The following PIK3C2A variants were observed in gnomAD, a reference collection of about 807,000 sequenced individuals.
PIK3C2A encodes phosphatidylinositol-4-phosphate 3-kinase catalytic subunit type 2 alpha, also known as phosphatidylinositol 4-phosphate 3-kinase C2 domain-containing subunit alpha.
A neutral mutation model predicts 204.5 loss-of-function variants in PIK3C2A; 97 were observed. That is an observed-to-expected ratio of 0.47 (90% CI 0.40 to 0.56). PIK3C2A has a LOEUF of 0.56. Among genes scored for constraint, PIK3C2A ranks in the 20% least tolerant of loss-of-function variants. PIK3C2A has a pLI of 0.00. For synonymous variants in PIK3C2A, 653 were observed against 664.4 expected (o/e 0.98, Z 0.26); for missense variants, 1,735 against 1,969.2 (o/e 0.88, Z 2.25).
intron 13 of PIK3C2A, 39 bp downstream of exon 13, chr11:17,129,261 G>A (rs763293470): frequency 4.5e-6 from 7 of 1,543,040 alleles, no homozygotes; most frequent in Non-Finnish European, 6.3e-6. Context: ...GTGCAGATGT[G>A]TCCACAGTGA....
intron 2 of PIK3C2A, among the ~76,000 whole-genome samples, chr11:17,165,185 C>T (rs1463824167): frequency 6.6e-6 from 1 of 152,124 alleles, no homozygotes; most frequent in Non-Finnish European, 1.5e-5. Flanking sequence ...TTTGTCTTGT[C>T]ATTTTCCCAA....
At chr11:17,121,820 CTTA>C (rs1397606332) in intron 15 of PIK3C2A, among the ~76,000 whole-genome samples, 1 of 151,654 alleles carries the variant, frequency 6.6e-6, no homozygotes, top group Admixed American at 6.6e-5. Context: ...TGGTCTTAAT[CTTA>C]TTAATAAGAA....
intron 24 of PIK3C2A, among the ~76,000 whole-genome samples, chr11:17,101,991 A>G (rs2137288301): frequency 6.6e-6 from 1 of 152,348 alleles, no homozygotes; most frequent in Non-Finnish European, 1.5e-5. Context: ...ACATATGAAA[A>G]TAAGGTGATA....
chr11:17,190,145 C>T (rs1851892207), intron 1 of PIK3C2A, among the ~76,000 whole-genome samples: 2 of 152,166 alleles, frequency 1.3e-5, no homozygotes, highest in South Asian at 4.2e-4. Context: ...TGCCTGTAAT[C>T]CCAGTTACTC....
intron 15 of PIK3C2A, among the ~76,000 whole-genome samples, chr11:17,121,519 G>A (rs979585454): frequency 6.6e-6 from 1 of 152,098 alleles, no homozygotes; most frequent in Non-Finnish European, 1.5e-5. Context: ...GGCACTGCTG[G>A]GACAGAATAT....
At chr11:17,150,804 T>C in intron 3 of PIK3C2A, 149 bp from the exon 4 acceptor site, 5 of 442,434 alleles carry the variant, frequency 1.1e-5, no homozygotes. Flanking sequence ...GAGCTCCTGT[T>C]GAAACTCCAA....
intron 1 of PIK3C2A, among the ~76,000 whole-genome samples, chr11:17,196,252 T>C (rs1852150977): frequency 6.6e-6 from 1 of 152,202 alleles, no homozygotes. Flanking sequence ...TGGGGGATAC[T>C]ATACTGAATT....
intron 15 of PIK3C2A, among the ~76,000 whole-genome samples, chr11:17,121,486 AAG>A (rs1491363767): frequency 6.6e-6 from 1 of 152,178 alleles, no homozygotes; most frequent in Non-Finnish European, 1.5e-5. Context: ...GCAAATATAA[AAG>A]AGTTTTATAT....
intron 18 of PIK3C2A, among the ~76,000 whole-genome samples, chr11:17,118,131 G>A (rs1257610521): frequency 6.6e-6 from 1 of 151,054 alleles, no homozygotes; most frequent in Non-Finnish European, 1.5e-5. Context: ...GAGTCCAGTG[G>A]CATGACCTTG....
At chr11:17,198,355 C>G (rs746974611) in intron 1 of PIK3C2A, among the ~76,000 whole-genome samples, 1 of 105,114 alleles carries the variant, frequency 9.5e-6, no homozygotes, top group Non-Finnish European at 2.0e-5. Flanking sequence ...GGTGATCCAC[C>G]CACCTCAGCC....
intron 1 of PIK3C2A, among the ~76,000 whole-genome samples, chr11:17,177,631 C>A (rs544409125): frequency 6.6e-6 from 1 of 152,010 alleles, no homozygotes; most frequent in Non-Finnish European, 1.5e-5. Flanking sequence ...CAGTACATGA[C>A]AAGATAATAT....
intron 13 of PIK3C2A, among the ~76,000 whole-genome samples, chr11:17,125,522 G>GTT (rs200970133): frequency 1.3e-5 from 2 of 150,672 alleles, no homozygotes; most frequent in Non-Finnish European, 3.0e-5. Flanking sequence ...GATTTTCACT[G>GTT]TTTTTTTTTG....
At chr11:17,163,720 C>G (rs1850856696) in intron 2 of PIK3C2A, among the ~76,000 whole-genome samples, 1 of 151,964 alleles carries the variant, frequency 6.6e-6, no homozygotes, top group Non-Finnish European at 1.5e-5. Context: ...ACCATTCTAC[C>G]AGTTGTTTCT....
intron 19 of PIK3C2A, 78 bp from the exon 20 acceptor site, chr11:17,114,543 C>A: frequency 8.9e-6 from 6 of 670,704 alleles, no homozygotes; most frequent in East Asian, 2.6e-5. Flanking sequence ...GCTGTGGATA[C>A]AATTTATAAA....
At chr11:17,121,643 C>T (rs1036998793) in intron 15 of PIK3C2A, among the ~76,000 whole-genome samples, 44 of 152,088 alleles carry the variant, frequency 2.9e-4, no homozygotes, top group African/African-American at 9.7e-4. Context: ...ACACTTTTCA[C>T]AAGGTATTTT....
intron 1 of PIK3C2A, among the ~76,000 whole-genome samples, chr11:17,176,328 AT>A (rs148614433): frequency 0.034 from 5,193 of 152,000 alleles, 256 homozygotes; most frequent in African/African-American, 0.1. Context: ...TTATACCACC[AT>A]TAAAAATAAA....
At chr11:17,200,979 G>A (rs189605938) in intron 1 of PIK3C2A, among the ~76,000 whole-genome samples, 13 of 152,180 alleles carry the variant, frequency 8.5e-5, no homozygotes, top group Admixed American at 7.9e-4. Context: ...GCAGATGTGG[G>A]CGGATCACTT....
At chr11:17,198,234 C>T (rs892908473) in intron 1 of PIK3C2A, among the ~76,000 whole-genome samples, 1 of 151,976 alleles carries the variant, frequency 6.6e-6, no homozygotes, top group African/African-American at 2.4e-5. Context: ...CTCAGCCTCC[C>T]AAGTAGCCAG....
At chr11:17,117,715 T>TC in intron 18 of PIK3C2A, 44 bp from the exon 19 acceptor site, 2 of 1,161,446 alleles carry the variant, frequency 1.7e-6, no homozygotes, top group Non-Finnish European at 2.4e-6. Flanking sequence ...TTGGTTTTTT[T>TC]TTTTTTTTTT....
Sources: allele counts gnomAD v4.1 joint callset (sites outside exome capture counted in the v4.1 genomes callset), GRCh38; gene constraint gnomAD v4.1.1; transcripts MANE v1.5; gene names NCBI Gene and HGNC (gene_info 2026-07-23, HGNC 2026-07-21).